MECOM: variants seen among roughly 807,000 people sequenced by gnomAD.
MECOM encodes histone-lysine N-methyltransferase MECOM.
MECOM carries 13 observed loss-of-function variants against 116.3 expected under a neutral mutation model. That is an observed-to-expected ratio of 0.11 (90% confidence interval 0.07 to 0.18). The LOEUF (loss-of-function observed/expected upper bound fraction) is 0.18, where lower values mean the gene tolerates loss of function less well. Among genes scored for constraint, MECOM ranks in the 10% least tolerant of loss-of-function variants. The pLI is 1.00. For missense variants in MECOM, 1,299 were observed against 1,509.0 expected (o/e 0.86, Z 2.31); for synonymous variants, 528 against 535.2 (o/e 0.99, Z 0.19).
chr3:169,300,944 C>G (rs1716590891), intron 2 of MECOM, among the ~76,000 whole-genome samples: 1 of 152,202 alleles, frequency 6.6e-6, no homozygotes, highest in African/African-American at 2.4e-5. Context: ...ATAAGTGGCC[C>G]TAAACTAAGA....
chr3:169,385,307 T>C (rs530430270), intron 1 of MECOM, among the ~76,000 whole-genome samples: 1 of 152,104 alleles, frequency 6.6e-6, no homozygotes, highest in East Asian at 1.9e-4. Flanking sequence ...AAAGCCTGAA[T>C]GCAATTCTGC....
chr3:169,410,276 C>T (rs1478608034), intron 1 of MECOM, among the ~76,000 whole-genome samples: 1 of 152,132 alleles, frequency 6.6e-6, no homozygotes, highest in Non-Finnish European at 1.5e-5. Flanking sequence ...TTTTGGAGAA[C>T]TTTGTGGAGA....
At chr3:169,384,868 T>C (rs1733043070) in intron 1 of MECOM, among the ~76,000 whole-genome samples, 1 of 152,012 alleles carries the variant, frequency 6.6e-6, no homozygotes, top group African/African-American at 2.4e-5. Context: ...TTTGGGAGGC[T>C]GAGGCAGGTG....
At chr3:169,140,160 C>A (rs149997377) in intron 3 of MECOM, among the ~76,000 whole-genome samples, 1 of 152,014 alleles carries the variant, frequency 6.6e-6, no homozygotes, top group Non-Finnish European at 1.5e-5. Flanking sequence ...CTACCCTGCT[C>A]TGCCTTTCAG....
Position 169,381,453 on chromosome 3 carries a change from T to C in MECOM, c.109A>G (p.Ser37Gly), listed in dbSNP as rs1732372740. Residue 37 changes from serine to glycine, a missense_variant, in exon 2 of 17, where the codon AGC (serine) becomes GGC (glycine). Ser to Gly is a moderately conservative substitution (Grantham distance 56). Around this residue, in one of 6 missense-constraint regions of MECOM, gnomAD observed 374 missense variants for 433.4 expected, o/e 0.86. Transcript: ENST00000651503. Reference sequence around the variant, plus strand: ...TCTTGAATATTGAGGGAGGGAGTGCTGGCTACTCCATCTGCATCTGGCATT... The same window carrying C: ...TCTTGAATATTGAGGGAGGGAGTGCCGGCTACTCCATCTGCATCTGGCATT... Reference protein sequence around the residue: ...EEMPDADGVASTPSLNIQEPC... With the variant: ...EEMPDADGVAGTPSLNIQEPC... 3.7e-6 allele frequency: 6 copies of C among 1,613,598 alleles called. No individual in the cohort carries two copies. Among genetic ancestry groups the C allele is most frequent in the Non-Finnish European group, 5.1e-6 (6 of 1,179,772 alleles).
At chr3:169,443,251 A>G in intron 1 of MECOM, among the ~76,000 whole-genome samples, 1 of 152,122 alleles carries the variant, frequency 6.6e-6, no homozygotes, top group East Asian at 1.9e-4. Context: ...AAATGCCACC[A>G]TCAAAGATTC....
intron 16 of MECOM, among the ~76,000 whole-genome samples, chr3:169,087,250 T>C (rs1035784796): frequency 6.6e-6 from 1 of 152,112 alleles, no homozygotes; most frequent in Admixed American, 6.6e-5. Flanking sequence ...TATTATATCT[T>C]ACAATAAATA....
At chr3:169,598,150 C>CA (rs1767359723) in intron 1 of MECOM, among the ~76,000 whole-genome samples, 1 of 152,134 alleles carries the variant, frequency 6.6e-6, no homozygotes, top group African/African-American at 2.4e-5. Flanking sequence ...AATAAGGGTA[C>CA]AAAAAATTCA....
chr3:169,638,077 A>C (rs1773030198), intron 1 of MECOM, among the ~76,000 whole-genome samples: 1 of 152,232 alleles, frequency 6.6e-6, no homozygotes, highest in South Asian at 2.1e-4. Flanking sequence ...AAAAGTTCCC[A>C]AAGTACTTTA....
At chr3:169,295,889 G>C (rs1347217158) in intron 2 of MECOM, among the ~76,000 whole-genome samples, 2 of 152,198 alleles carry the variant, frequency 1.3e-5, no homozygotes, top group East Asian at 3.8e-4. Flanking sequence ...GACAAGTGGA[G>C]GAAGAAAGTG....
intron 2 of MECOM, among the ~76,000 whole-genome samples, chr3:169,234,463 TA>T (rs1266268994): frequency 1.4e-5 from 2 of 144,960 alleles, no homozygotes; most frequent in African/African-American, 5.1e-5. Context: ...AAAAGCAATT[TA>T]AAAAAAGGGA....
At chr3:169,101,276 A>C (rs1723461127) in intron 11 of MECOM, among the ~76,000 whole-genome samples, 2 of 152,218 alleles carry the variant, frequency 1.3e-5, no homozygotes, top group Admixed American at 1.3e-4. Flanking sequence ...ACAAAATTGA[A>C]CCAGATAAGG....
At chr3:169,391,145 C>T (rs1029682628) in intron 1 of MECOM, among the ~76,000 whole-genome samples, 3 of 152,082 alleles carry the variant, frequency 2.0e-5, no homozygotes, top group African/African-American at 7.2e-5. Flanking sequence ...GCTGGTAAAA[C>T]GGAATATGAG....
intron 2 of MECOM, among the ~76,000 whole-genome samples, chr3:169,159,358 G>A (rs1024767505): frequency 6.6e-6 from 1 of 152,088 alleles, no homozygotes; most frequent in Admixed American, 6.5e-5. Context: ...AGGAGTTTGA[G>A]ACGAGCCTGA....
intron 2 of MECOM, among the ~76,000 whole-genome samples, chr3:169,337,330 T>C (rs1039185025): frequency 6.6e-6 from 1 of 152,170 alleles, no homozygotes; most frequent in African/African-American, 2.4e-5. Flanking sequence ...TGAATGACTC[T>C]CTGTGATTTA....
chr3:169,281,013 G>T (rs1435726958), intron 2 of MECOM, among the ~76,000 whole-genome samples: 1 of 152,184 alleles, frequency 6.6e-6, no homozygotes, highest in Non-Finnish European at 1.5e-5. Context: ...CAAAGCCTTT[G>T]GCTTGGAATG....
intron 1 of MECOM, among the ~76,000 whole-genome samples, chr3:169,451,743 T>C (rs556153100): frequency 6.6e-6 from 1 of 152,270 alleles, no homozygotes; most frequent in Non-Finnish European, 1.5e-5. Context: ...TAAAATACAG[T>C]TTACACAAAA....
intron 1 of MECOM, among the ~76,000 whole-genome samples, chr3:169,626,962 C>T (rs115246567): frequency 3.9e-3 from 593 of 152,184 alleles, no homozygotes; most frequent in Admixed American, 6.3e-3. Context: ...CACAAACACA[C>T]ATAACAATGC....
intron 1 of MECOM, among the ~76,000 whole-genome samples, chr3:169,534,593 C>T (rs564675110): frequency 2.0e-4 from 30 of 151,834 alleles, no homozygotes; most frequent in African/African-American, 7.2e-4. Context: ...CACTTGGCTA[C>T]CCATGTAGAA....
Sources: allele counts gnomAD v4.1 joint callset (sites outside exome capture counted in the v4.1 genomes callset), GRCh38; gene constraint gnomAD v4.1.1; regional missense constraint gnomAD v4.1.1; transcripts MANE v1.5; gene names NCBI Gene and HGNC (gene_info 2026-07-23, HGNC 2026-07-21).